PITPNC1: variants seen among roughly 807,000 people sequenced by gnomAD.
PITPNC1 encodes phosphatidylinositol transfer protein cytoplasmic 1, also known as cytoplasmic phosphatidylinositol transfer protein 1.
Under a neutral mutation model 44.7 loss-of-function variants are expected in PITPNC1, and 18 were observed. The ratio of observed to expected loss-of-function variants is 0.40; its 90% CI spans 0.28 to 0.60. The LOEUF (loss-of-function observed/expected upper bound fraction) is 0.60, where lower values mean the gene tolerates loss of function less well. PITPNC1 is among the 20% of genes least tolerant of loss of function. The pLI, the probability that PITPNC1 is intolerant of heterozygous loss-of-function variation, is 0.39. For missense variants in PITPNC1, 290 were observed against 418.4 expected, an observed-to-expected ratio of 0.69 and a Z score of 2.68; for synonymous variants, 141 against 149.6, an observed-to-expected ratio of 0.94 and a Z score of 0.42.
Position 67,548,976 on chromosome 17 carries a change from A to G in PITPNC1, c.198-3281A>G, listed in dbSNP as rs2040720847. ...CCCTGATAAATCATTGCTGCAGGGA[A>G]AAATAAATTTTACTTTCTCAGACAA... On this transcript the variant is annotated intron_variant, in intron 2 of 8. Coordinates refer to ENST00000581322, the MANE Select transcript of PITPNC1 (RefSeq NM_012417.4). Among the ~76,000 whole-genome samples, 3 of 152,336 alleles carry G rather than the reference A, an allele frequency of 2.0e-5. No individual in the cohort carries two copies. The East Asian group carries it at 5.8e-4, about 29-fold the overall frequency.
chr17:67,628,882 A>G (rs2041929403), intron 5 of PITPNC1, among the ~76,000 whole-genome samples: 1 of 152,216 alleles, frequency 6.6e-6, no homozygotes. Context: ...CAGCCCAACA[A>G]CATCCAAATC....
chr17:67,495,037 G>GTTTTTTTTTTTTTTTTTT (rs2039925221), intron 1 of PITPNC1, among the ~76,000 whole-genome samples: 4 of 79,376 alleles, frequency 5.0e-5, no homozygotes, highest in Admixed American at 1.7e-4. Flanking sequence ...GAGCCATGGA[G>GTTTTTTTTTTTTTTTTTT]TTGTTTTTTT....
chr17:67,573,340 T>TA (rs2041088945), intron 4 of PITPNC1, among the ~76,000 whole-genome samples: 1 of 151,966 alleles, frequency 6.6e-6, no homozygotes, highest in African/African-American at 2.4e-5. Context: ...AAAGAGGCTG[T>TA]AGGTAGGGTA....
intron 1 of PITPNC1, among the ~76,000 whole-genome samples, chr17:67,402,927 A>G (rs2038340382): frequency 6.6e-6 from 1 of 152,144 alleles, no homozygotes; most frequent in Non-Finnish European, 1.5e-5. Context: ...TTGGCCTCCC[A>G]AAGTGCTGGG....
chr17:67,575,865 TC>T (rs1397556326), intron 4 of PITPNC1, among the ~76,000 whole-genome samples: 352 of 30,240 alleles, frequency 0.012, no homozygotes, highest in East Asian at 0.041. Context: ...TTTCCTTCCT[TC>T]TTTCTTTCTT....
chr17:67,588,056 T>A lies in PITPNC1; in HGVS notation c.366+9799T>A, dbSNP rs1348332714. Among the ~76,000 whole-genome samples, 13 of 152,308 alleles carry A rather than the reference T, an allele frequency of 8.5e-5. No homozygotes were observed. In the South Asian group the frequency reaches 2.7e-3, roughly 32 times the overall value. On this transcript the variant is annotated intron_variant, in intron 5 of 8. Coordinates refer to ENST00000581322, the MANE Select transcript of PITPNC1 (RefSeq NM_012417.4). ...TCTCACTTTGTCACCCAGGCTGGAG[T>A]GCAGTGGCGTGATCTCACCTCACTA...
At chr17:67,649,936 C>CT (rs1208740137) in intron 6 of PITPNC1, among the ~76,000 whole-genome samples, 1 of 152,120 alleles carries the variant, frequency 6.6e-6, no homozygotes, top group Non-Finnish European at 1.5e-5. Flanking sequence ...CGTGCCCCCT[C>CT]TGGGTGTGCC....
intron 8 of PITPNC1, among the ~76,000 whole-genome samples, chr17:67,688,498 G>T (rs1210591387): frequency 6.6e-6 from 1 of 151,902 alleles, no homozygotes; most frequent in Non-Finnish European, 1.5e-5. Context: ...AGTCTCATGT[G>T]CTGCAACTGG....
At chr17:67,401,299 A>C (rs1313649664) in intron 1 of PITPNC1, among the ~76,000 whole-genome samples, 1 of 151,948 alleles carries the variant, frequency 6.6e-6, no homozygotes, top group Non-Finnish European at 1.5e-5. Context: ...TAAACTTCCT[A>C]CCCACTTAAG....
chr17:67,389,522 C>G (rs1485156673), intron 1 of PITPNC1, among the ~76,000 whole-genome samples: 1 of 152,206 alleles, frequency 6.6e-6, no homozygotes, highest in Admixed American at 6.5e-5. Flanking sequence ...GATCCCTGCC[C>G]TCCTGAAGCT....
intron 6 of PITPNC1, among the ~76,000 whole-genome samples, chr17:67,642,935 A>G (rs1270610358): frequency 6.6e-6 from 1 of 152,196 alleles, no homozygotes; most frequent in East Asian, 1.9e-4. Flanking sequence ...TGTTCAGAGC[A>G]GCAGTTGCAA....
chr17:67,521,964 G>T (rs915093477), intron 1 of PITPNC1, among the ~76,000 whole-genome samples: 3 of 152,072 alleles, frequency 2.0e-5, no homozygotes, highest in Non-Finnish European at 2.9e-5. Context: ...GTACCTCGTT[G>T]TGTGGGAGCA....
At chr17:67,585,322 A>T (rs1321916615) in intron 5 of PITPNC1, among the ~76,000 whole-genome samples, 1 of 152,206 alleles carries the variant, frequency 6.6e-6, no homozygotes, top group Non-Finnish European at 1.5e-5. Context: ...AGGCTTGAGT[A>T]TGGGAAGGAG....
At chr17:67,550,835 G>A (rs906155629) in intron 2 of PITPNC1, among the ~76,000 whole-genome samples, 9 of 152,188 alleles carry the variant, frequency 5.9e-5, no homozygotes, top group African/African-American at 1.9e-4. Context: ...GCCGAGGCGG[G>A]TGGATCATGA....
At chr17:67,412,266 T>G (rs1471661682) in intron 1 of PITPNC1, among the ~76,000 whole-genome samples, 1 of 152,144 alleles carries the variant, frequency 6.6e-6, no homozygotes, top group African/African-American at 2.4e-5. Flanking sequence ...CAGGGTTTAA[T>G]GTGTGCTGAG....
intron 1 of PITPNC1, among the ~76,000 whole-genome samples, chr17:67,462,367 G>A (rs1327185679): frequency 6.6e-6 from 1 of 151,236 alleles, no homozygotes; most frequent in Admixed American, 6.6e-5. Flanking sequence ...GAGTAGCCAG[G>A]ATTATAGGCG....
At chr17:67,594,155 G>A (rs2041429377) in intron 5 of PITPNC1, among the ~76,000 whole-genome samples, 1 of 152,216 alleles carries the variant, frequency 6.6e-6, no homozygotes, top group South Asian at 2.1e-4. Flanking sequence ...GTCCAAAGCA[G>A]GGCTCTGCAG....
chr17:67,385,228 G>T (rs1262302406), intron 1 of PITPNC1, among the ~76,000 whole-genome samples: 1 of 152,120 alleles, frequency 6.6e-6, no homozygotes, highest in African/African-American at 2.4e-5. Context: ...ACGCTAATCA[G>T]CAGGCTGCAA....
chr17:67,530,593 A>AGG (rs2040448753), intron 1 of PITPNC1, among the ~76,000 whole-genome samples: 1 of 152,228 alleles, frequency 6.6e-6, no homozygotes, highest in Non-Finnish European at 1.5e-5. Context: ...ACTAGGGGTC[A>AGG]GGACTTCACA....
Sources: gnomAD v4.1 joint callset for allele counts (sites outside exome capture counted in the v4.1 genomes callset) on GRCh38, gnomAD v4.1.1 for gene constraint, MANE v1.5 for transcripts, NCBI Gene and HGNC (gene_info 2026-07-23, HGNC 2026-07-21) for gene names.